MAPK10: variants seen among roughly 807,000 people sequenced by gnomAD.
MAPK10 encodes mitogen-activated protein kinase 10, also known as JNK3 alpha protein kinase.
In MAPK10, 25 loss-of-function variants were observed where a neutral mutation model predicts 59.3. That is an observed-to-expected ratio of 0.42 (90% CI 0.31 to 0.59). The LOEUF is 0.59. MAPK10 is among the 20% of genes least tolerant of loss of function. The pLI is 0.15. For synonymous variants in MAPK10, 190 were observed against 200.5 expected, an observed-to-expected ratio of 0.95 and a Z score of 0.44; for missense variants, 351 against 568.9, an observed-to-expected ratio of 0.62 and a Z score of 3.90.
At chr4:86,261,612 A>C (rs891885690) in intron 2 of MAPK10, among the ~76,000 whole-genome samples, 3 of 152,220 alleles carry the variant, frequency 2.0e-5, no homozygotes, top group African/African-American at 7.2e-5. Context: ...GGGTAAAAAT[A>C]AACTGATTGG....
intron 1 of MAPK10, among the ~76,000 whole-genome samples, chr4:86,552,289 T>A (rs1759855510): frequency 6.6e-6 from 1 of 151,440 alleles, no homozygotes; most frequent in Non-Finnish European, 1.5e-5. Context: ...GGCGTGGAGG[T>A]GCATCCCTGT....
At chr4:86,523,774 C>G (rs1429679498) in intron 1 of MAPK10, among the ~76,000 whole-genome samples, 1 of 152,182 alleles carries the variant, frequency 6.6e-6, no homozygotes, top group Non-Finnish European at 1.5e-5. Context: ...CTCTCAAAGG[C>G]TCTAAATCTA....
intron 2 of MAPK10, among the ~76,000 whole-genome samples, chr4:86,308,947 T>C (rs548611692): frequency 3.9e-5 from 6 of 152,308 alleles, no homozygotes; most frequent in Admixed American, 3.3e-4. Flanking sequence ...TGAGTTAACA[T>C]ATAAAAAGTC....
chr4:86,330,661 C>T (rs1002854892), intron 2 of MAPK10, among the ~76,000 whole-genome samples: 6 of 152,120 alleles, frequency 3.9e-5, no homozygotes, highest in East Asian at 1.9e-4. Flanking sequence ...CCTTCTGCCA[C>T]GATTGAAATT....
intron 1 of MAPK10, among the ~76,000 whole-genome samples, chr4:86,503,516 T>A (rs910678226): frequency 6.6e-6 from 1 of 152,100 alleles, no homozygotes; most frequent in African/African-American, 2.4e-5. Context: ...CCTAACAAAT[T>A]GAGTGCACAC....
In MAPK10 at chr4:86,563,565, C is replaced by A. The variant is rs141071711; in HGVS notation, c.-263+30345G>T. Among the ~76,000 whole-genome samples, 826 of 152,180 alleles carry A rather than the reference C, an allele frequency of 5.4e-3. 6 individuals are homozygous for A. The highest frequency in any genetic ancestry group is 0.019 in the African/African-American group (773 of 41,522). On this transcript the variant is annotated intron_variant, in intron 1 of 4. Coordinates refer to the MAPK10 transcript ENST00000502302. ...GGATTGGAGTAATTTTTCTGATTAC[C>A]TAATATAGTAGTCCTCCCCATTTGT...
intron 1 of MAPK10, among the ~76,000 whole-genome samples, chr4:86,408,585 T>C (rs1032111097): frequency 2.0e-5 from 3 of 152,202 alleles, no homozygotes. Context: ...TTTTTAGTGA[T>C]TGCCATTCTA....
At chr4:86,425,017 A>C (rs1371474642) in intron 1 of MAPK10, among the ~76,000 whole-genome samples, 1 of 152,134 alleles carries the variant, frequency 6.6e-6, no homozygotes, top group East Asian at 1.9e-4. Flanking sequence ...CAGAATGTCA[A>C]GGACCAAATT....
At chr4:86,150,325 T>TA (rs1347301148) in intron 4 of MAPK10, among the ~76,000 whole-genome samples, 6 of 152,130 alleles carry the variant, frequency 3.9e-5, no homozygotes, top group Non-Finnish European at 7.3e-5. Flanking sequence ...GGTCAAGGGA[T>TA]AAAAAACTAC....
intron 1 of MAPK10, among the ~76,000 whole-genome samples, chr4:86,523,058 C>T (rs893130124): frequency 3.3e-5 from 5 of 152,162 alleles, no homozygotes; most frequent in Admixed American, 3.3e-4. Flanking sequence ...CATCTAAAGA[C>T]TCATGGGAAA....
At chr4:86,147,390 C>G (rs189617337) in intron 4 of MAPK10, among the ~76,000 whole-genome samples, 1 of 152,256 alleles carries the variant, frequency 6.6e-6, no homozygotes, top group Non-Finnish European at 1.5e-5. Context: ...AACAATGAAT[C>G]TAGACAACCA....
chr4:86,012,346 G>A lies in MAPK10; in HGVS notation c.*4882C>T, dbSNP rs759360056. 14 of 152,094 alleles carry A rather than the reference G, an allele frequency of 9.2e-5. No homozygotes were observed. Among genetic ancestry groups the A allele is most frequent in the East Asian group, 1.9e-4 (1 of 5,184 alleles). 9.4% of individuals were successfully genotyped at this position (152,094 alleles called of 1,614,324 possible). On this transcript the variant is annotated 3_prime_UTR_variant, in exon 14 of 14. Coordinates refer to ENST00000641462, the MANE Select transcript of MAPK10 (RefSeq NM_138982.4). ...CTGGCACAATCAGACCACACTACAA[G>A]TTTCTTTTACCAGTTGCCAAAATGA...
chr4:86,138,719 T>G (rs1479095726), intron 4 of MAPK10, among the ~76,000 whole-genome samples: 1 of 151,754 alleles, frequency 6.6e-6, no homozygotes, highest in Non-Finnish European at 1.5e-5. Context: ...TAAACGGTAT[T>G]CAATTAGGAA....
In MAPK10 at chr4:86,471,585, C is replaced by T. The variant is rs114079981; in HGVS notation, c.-262-116941G>A. On this transcript the variant is annotated intron_variant, in intron 1 of 4. Transcript: ENST00000502302. ...AGTAATTATATAAAAATGGTTGTTTCCTGAAAATATAAAACATTTACCATG... is the reference window on the plus strand; with the variant it reads ...AGTAATTATATAAAAATGGTTGTTTTCTGAAAATATAAAACATTTACCATG... 2.7e-3 allele frequency among the ~76,000 whole-genome samples: 415 copies of T among 152,202 alleles called. 3 individuals carry two copies. The highest frequency in any genetic ancestry group is 4.0e-3 in the Non-Finnish European group (273 of 68,010).
At chr4:86,553,167 A>C (rs780870566) in intron 1 of MAPK10, among the ~76,000 whole-genome samples, 1 of 152,210 alleles carries the variant, frequency 6.6e-6, no homozygotes, top group African/African-American at 2.4e-5. Context: ...AAGACTCCCC[A>C]GGGAAGTATT....
intron 11 of MAPK10, chr4:86,044,523 A>G (rs1280743209): frequency 5.2e-6 from 2 of 385,816 alleles, no homozygotes; most frequent in East Asian, 3.7e-5. Context: ...AAAAGAAAAC[A>G]TTCTAGAGAA....
In MAPK10 at chr4:86,288,928, T is replaced by TA. The variant is rs202103787; in HGVS notation, c.-7+65601dup. 1.9e-3 allele frequency among the ~76,000 whole-genome samples: 235 copies of TA among 126,548 alleles called. 1 individual carries two copies. Among genetic ancestry groups the TA allele is most frequent in the Admixed American group, 6.4e-3 (82 of 12,782 alleles). 83.0% of individuals were successfully genotyped at this position (126,548 alleles called of 152,430 possible). A position where few individuals can be genotyped will look rare whatever the true frequency, so the allele number is the denominator to read the frequency against. ...TGAATATAGCAGTGAAAAATAAAAG[T>TA]AAAAAAAAAAAAAAGACCTTGCCCT... On this transcript the variant is annotated intron_variant, in intron 2 of 13. Transcript: ENST00000641462.
chr4:86,471,990 A>C (rs1206288086), intron 1 of MAPK10, among the ~76,000 whole-genome samples: 1 of 152,212 alleles, frequency 6.6e-6, no homozygotes, highest in Middle Eastern at 3.2e-3. Flanking sequence ...ACCAACATTC[A>C]TCAGGAATAA....
intron 1 of MAPK10, among the ~76,000 whole-genome samples, chr4:86,494,385 G>T (rs1754703675): frequency 6.6e-6 from 1 of 152,216 alleles, no homozygotes; most frequent in Non-Finnish European, 1.5e-5. Flanking sequence ...AACAGGAGGG[G>T]ACTGGCGTTC....
Sources: allele counts gnomAD v4.1 joint callset (sites outside exome capture counted in the v4.1 genomes callset), GRCh38; gene constraint gnomAD v4.1.1; transcripts MANE v1.5; gene names NCBI Gene and HGNC (gene_info 2026-07-23, HGNC 2026-07-21).